PID1: variants seen among roughly 807,000 people sequenced by gnomAD.
The protein encoded by PID1 is phosphotyrosine interaction domain containing 1.
Under a neutral mutation model 19.1 loss-of-function variants are expected in PID1, and 10 were observed. The observed-to-expected ratio is 0.52, with a 90% CI of 0.32 to 0.89. The LOEUF is 0.89. Among genes scored for constraint, PID1 ranks in the 40% least tolerant of loss-of-function variants. The pLI is 0.03. For synonymous variants in PID1, 130 were observed against 116.0 expected, an observed-to-expected ratio of 1.12 and a Z score of -0.78; for missense variants, 248 against 285.3, an observed-to-expected ratio of 0.87 and a Z score of 0.94.
intron 1 of PID1, among the ~76,000 whole-genome samples, chr2:229,179,481 G>GA (rs1553572453): frequency 3.3e-5 from 5 of 152,064 alleles, no homozygotes; most frequent in Non-Finnish European, 7.4e-5. Context: ...AAGAAAGAGA[G>GA]AATTTGGAGG....
At chr2:229,158,931 A>C (rs929596554) in intron 1 of PID1, among the ~76,000 whole-genome samples, 4 of 150,762 alleles carry the variant, frequency 2.7e-5, no homozygotes, top group Admixed American at 6.6e-5. Context: ...AGAGGCTGTG[A>C]AGGGTAGGGG....
chr2:229,146,525 TTG>T (rs143860908), intron 2 of PID1, among the ~76,000 whole-genome samples: 29,578 of 148,314 alleles, frequency 0.2, 3,049 homozygotes, highest in Middle Eastern at 0.24. Flanking sequence ...TGTGAACATT[TTG>T]TGTGTGTGTG....
At chr2:229,062,617 C>T (rs966891892) in intron 2 of PID1, among the ~76,000 whole-genome samples, 20 of 151,782 alleles carry the variant, frequency 1.3e-4, no homozygotes, top group African/African-American at 4.8e-4. Flanking sequence ...ACAAGGCCTA[C>T]AAGAATAGAA....
intron 1 of PID1, among the ~76,000 whole-genome samples, chr2:229,183,347 TC>T (rs1690988092): frequency 6.6e-6 from 1 of 152,182 alleles, no homozygotes; most frequent in East Asian, 1.9e-4. Flanking sequence ...AGAATCAATT[TC>T]TGTTGTTTTA....
chr2:229,061,701 T>C (rs1251499309), intron 2 of PID1, among the ~76,000 whole-genome samples: 1 of 151,986 alleles, frequency 6.6e-6, no homozygotes, highest in Non-Finnish European at 1.5e-5. Context: ...CTTTGGATAG[T>C]ATGGAGATTT....
In PID1 at chr2:229,239,147, G is replaced by A. The variant is rs536576477; in HGVS notation, c.30+31867C>T. Reference sequence around the variant, plus strand: ...CTTCATAGAGCCTCAGAATCTCTGGGAAAGCTTGTTAAAGCACAGATTGCT... The same window carrying A: ...CTTCATAGAGCCTCAGAATCTCTGGAAAAGCTTGTTAAAGCACAGATTGCT... On this transcript the variant is annotated intron_variant, in intron 1 of 2. Coordinates refer to ENST00000392055, the MANE Select transcript of PID1 (RefSeq NM_001100818.2). Among the ~76,000 whole-genome samples, 4 of 152,204 alleles carry A rather than the reference G, an allele frequency of 2.6e-5. No individual in the cohort carries two copies. In the South Asian group the frequency reaches 8.3e-4, roughly 32 times the overall value.
intron 1 of PID1, among the ~76,000 whole-genome samples, chr2:229,171,165 G>C (rs1285011893): frequency 6.6e-6 from 1 of 152,198 alleles, no homozygotes; most frequent in South Asian, 2.1e-4. Context: ...TGCACATTTG[G>C]TTTTGCTTTC....
At chr2:229,107,503 C>CAAAAAAA (rs36057425) in intron 2 of PID1, among the ~76,000 whole-genome samples, 11 of 119,232 alleles carry the variant, frequency 9.2e-5, no homozygotes, top group Non-Finnish European at 1.1e-4. Flanking sequence ...AATATATCAC[C>CAAAAAAA]AAAAAAAAAA....
intron 2 of PID1, among the ~76,000 whole-genome samples, chr2:229,101,761 C>T (rs1325083344): frequency 6.6e-6 from 1 of 152,156 alleles, no homozygotes; most frequent in African/African-American, 2.4e-5. Flanking sequence ...GCTTCAATTG[C>T]CTTCCCTTAG....
chr2:229,222,935 C>T (rs1692004749), intron 1 of PID1, among the ~76,000 whole-genome samples: 1 of 151,870 alleles, frequency 6.6e-6, no homozygotes, highest in South Asian at 2.1e-4. Context: ...CTGGAGAACC[C>T]TAATACACAG....
At chr2:229,108,357 G>C (rs1314751566) in intron 2 of PID1, among the ~76,000 whole-genome samples, 1 of 152,142 alleles carries the variant, frequency 6.6e-6, no homozygotes, top group Non-Finnish European at 1.5e-5. Flanking sequence ...CTACTACTTT[G>C]AGCATAGAGC....
At chr2:229,137,760 C>A (rs577646337) in intron 2 of PID1, among the ~76,000 whole-genome samples, 1 of 152,284 alleles carries the variant, frequency 6.6e-6, no homozygotes, top group Non-Finnish European at 1.5e-5. Context: ...GCTCCATAAA[C>A]CAGCACTAAG....
At chr2:229,191,293 A>G (rs1691255851) in intron 1 of PID1, among the ~76,000 whole-genome samples, 1 of 152,196 alleles carries the variant, frequency 6.6e-6, no homozygotes, top group Non-Finnish European at 1.5e-5. Context: ...AAGTGTTCAC[A>G]GGTATCAAAT....
Position 229,271,146 on chromosome 2 carries a change from CG to C in PID1, c.-104del. ...GCTTTACATCTGGGGTCGGTGTCCGCGGGATGTGCGTCCTGGCGCTGGCCAC... is the reference window on the plus strand; with the variant it reads ...GCTTTACATCTGGGGTCGGTGTCCGCGGATGTGCGTCCTGGCGCTGGCCAC... On this transcript the variant is annotated 5_prime_UTR_variant, in exon 1 of 3. Transcript: ENST00000392055. 7.6e-7 allele frequency: 1 copy of C among 1,317,446 alleles called. No individual in the cohort carries two copies. Among genetic ancestry groups the C allele is most frequent in the African/African-American group, 1.5e-5 (1 of 66,786 alleles). 81.6% of individuals were successfully genotyped at this position (1,317,446 alleles called of 1,614,324 possible).
chr2:229,125,523 G>A (rs1295124864), intron 2 of PID1, among the ~76,000 whole-genome samples: 1 of 151,906 alleles, frequency 6.6e-6, no homozygotes, highest in African/African-American at 2.4e-5. Flanking sequence ...GTCAGACCAT[G>A]TTGCAGAATC....
intron 1 of PID1, among the ~76,000 whole-genome samples, chr2:229,197,216 A>G (rs1691396451): frequency 6.6e-6 from 1 of 152,120 alleles, no homozygotes; most frequent in East Asian, 1.9e-4. Context: ...TTTGAATTAT[A>G]TAAGTAATAG....
At chr2:229,063,624 A>G (rs1574597914) in intron 2 of PID1, among the ~76,000 whole-genome samples, 2 of 152,230 alleles carry the variant, frequency 1.3e-5, no homozygotes, top group South Asian at 2.1e-4. Context: ...TATTCTATAT[A>G]TATCTGTTAG....
intron 2 of PID1, among the ~76,000 whole-genome samples, chr2:229,038,377 T>C (rs1042701785): frequency 6.6e-6 from 1 of 152,154 alleles, no homozygotes; most frequent in African/African-American, 2.4e-5. Context: ...CTCTGATATG[T>C]GGAACAACTT....
intron 1 of PID1, among the ~76,000 whole-genome samples, chr2:229,242,131 C>T (rs1438393504): frequency 6.6e-6 from 1 of 152,094 alleles, no homozygotes; most frequent in African/African-American, 2.4e-5. Flanking sequence ...CTTGGCCTTC[C>T]AAGTAGCTGA....
Sources: allele counts gnomAD v4.1 joint callset (sites outside exome capture counted in the v4.1 genomes callset), GRCh38; gene constraint gnomAD v4.1.1; transcripts MANE v1.5; gene names NCBI Gene and HGNC (gene_info 2026-07-23, HGNC 2026-07-21).